Variants in LRRC7 observed in about 807,000 individuals in gnomAD.
LRRC7 encodes leucine rich repeat containing 7.
LRRC7 carries 23 observed loss-of-function variants against 175.7 expected under a neutral mutation model. That is an observed-to-expected ratio of 0.13 (90% CI 0.09 to 0.19). The LOEUF (loss-of-function observed/expected upper bound fraction) is 0.19, where lower values mean the gene tolerates loss of function less well. Among genes scored for constraint, LRRC7 ranks in the 10% least tolerant of loss-of-function variants. LRRC7 has a pLI of 1.00. For synonymous variants in LRRC7, 685 were observed against 680.9 expected (o/e 1.01, Z -0.09); for missense variants, 1,354 against 1,904.7 (o/e 0.71, Z 5.38).
At chr1:69,651,447 C>T (rs963132689) in intron 1 of LRRC7, among the ~76,000 whole-genome samples, 4 of 152,030 alleles carry the variant, frequency 2.6e-5, no homozygotes, top group South Asian at 2.1e-4. Flanking sequence ...GCTGTATCTA[C>T]CAAAGTTATT....
At chr1:69,617,002 T>C (rs2100289530) in intron 1 of LRRC7, among the ~76,000 whole-genome samples, 1 of 152,262 alleles carries the variant, frequency 6.6e-6, no homozygotes, top group East Asian at 1.9e-4. Flanking sequence ...GTCAAGGTTA[T>C]TCACTGTCCT....
chr1:70,118,903 A>G (rs1666035661), intron 26 of LRRC7, among the ~76,000 whole-genome samples: 2 of 152,182 alleles, frequency 1.3e-5, no homozygotes, highest in South Asian at 4.2e-4. Flanking sequence ...TGTTCTACAT[A>G]TTGGGCTCTC....
At chr1:69,638,622 G>C (rs2100417400) in intron 1 of LRRC7, among the ~76,000 whole-genome samples, 1 of 151,656 alleles carries the variant, frequency 6.6e-6, no homozygotes, top group Non-Finnish European at 1.5e-5. Context: ...CTAATCTGAA[G>C]AATCTGTAGA....
intron 3 of LRRC7, among the ~76,000 whole-genome samples, chr1:69,781,688 G>GAAGAAAGGAAAGAAAGAAAGAAAGAAAGA (rs1673532307): frequency 2.3e-5 from 1 of 43,906 alleles, no homozygotes; most frequent in African/African-American, 1.2e-4. Context: ...TCAAAAAAAA[G>GAAGAAAGGAAAGAAAGAAAGAAAGAAAGA]AAGAAAGAAA....
chr1:70,118,063 G>GCACACACA (rs71583108), intron 26 of LRRC7, among the ~76,000 whole-genome samples: 2 of 146,782 alleles, frequency 1.4e-5, no homozygotes, highest in African/African-American at 2.5e-5. Context: ...CTTCTTCTAT[G>GCACACACA]CACACACACA....
chr1:69,814,696 T>C (rs1373529437), intron 4 of LRRC7, among the ~76,000 whole-genome samples: 1 of 152,170 alleles, frequency 6.6e-6, no homozygotes, highest in Non-Finnish European at 1.5e-5. Flanking sequence ...GGTGAAGATA[T>C]GCTCAAAGAA....
intron 10 of LRRC7, 86 bp downstream of exon 10, chr1:69,986,472 T>C: frequency 9.2e-7 from 1 of 1,084,242 alleles, no homozygotes. Context: ...TAGATATAGG[T>C]AATATACTGT....
At chr1:69,838,424 A>C (rs1570252080) in intron 7 of LRRC7, 141 bp downstream of exon 7, 4 of 635,346 alleles carry the variant, frequency 6.3e-6, no homozygotes, top group Non-Finnish European at 1.2e-5. Context: ...AAAGTATGGT[A>C]TACTGTAAAA....
intron 7 of LRRC7, among the ~76,000 whole-genome samples, chr1:69,908,388 T>C (rs1470141536): frequency 2.0e-5 from 3 of 151,932 alleles, no homozygotes; most frequent in Non-Finnish European, 4.4e-5. Context: ...CTGCTTTCTC[T>C]TGTGGGCATT....
chr1:69,623,099 G>A (rs940910186), intron 1 of LRRC7, among the ~76,000 whole-genome samples: 12 of 152,082 alleles, frequency 7.9e-5, no homozygotes, highest in Non-Finnish European at 1.3e-4. Context: ...CCTTTTACCC[G>A]TATCCTAAGT....
At chr1:69,574,424 T>G (rs1645862900) in intron 1 of LRRC7, among the ~76,000 whole-genome samples, 1 of 152,186 alleles carries the variant, frequency 6.6e-6, no homozygotes, top group East Asian at 1.9e-4. Context: ...AAGAATACTC[T>G]GGTGTAGTGG....
rs1666543033 is a variant in LRRC7 at position 70,128,629 on chromosome 1, A to G, written c.*6742A>G. The G allele has an allele frequency of 6.6e-6, 1 of 152,212 alleles. No homozygotes were observed. The highest frequency in any genetic ancestry group is 2.4e-5 in the African/African-American group (1 of 41,462). The allele number at this position is 152,212 out of a possible 1,614,324, so 9.4% of individuals were successfully genotyped here. Reference sequence around the variant, plus strand: ...GAGACATTTCATTGAAGAATATAACAAAAACATTAAATATTATGATTATAA... The same window carrying G: ...GAGACATTTCATTGAAGAATATAACGAAAACATTAAATATTATGATTATAA... On this transcript the variant is annotated 3_prime_UTR_variant, in exon 27 of 27. Coordinates refer to ENST00000651989, the MANE Select transcript of LRRC7 (RefSeq NM_001370785.2).
chr1:69,662,189 T>G (rs557086189), intron 1 of LRRC7, among the ~76,000 whole-genome samples: 88 of 152,274 alleles, frequency 5.8e-4, no homozygotes, highest in African/African-American at 2.1e-3. Flanking sequence ...AAATAATATA[T>G]GTAAAGATGC....
rs576216677 is a variant in LRRC7 at position 69,924,142 on chromosome 1, G to A, written c.648-7365G>A. ...ATGCGGCGTTATTTCTGAGGGCTGTGTTCTGTTCCATTGATCTATATCTCT... is the reference window on the plus strand; with the variant it reads ...ATGCGGCGTTATTTCTGAGGGCTGTATTCTGTTCCATTGATCTATATCTCT... On this transcript the variant is annotated intron_variant, in intron 7 of 26. Coordinates refer to ENST00000651989, the MANE Select transcript of LRRC7 (RefSeq NM_001370785.2). Among the ~76,000 whole-genome samples the A allele has an allele frequency of 2.4e-3, 359 of 152,218 alleles. 1 individual carries two copies. Among genetic ancestry groups the A allele is most frequent in the African/African-American group, 8.3e-3 (344 of 41,516 alleles).
intron 1 of LRRC7, among the ~76,000 whole-genome samples, chr1:69,569,066 GACACACACAC>G (rs3831340): frequency 1.3e-5 from 2 of 151,010 alleles, no homozygotes; most frequent in Admixed American, 6.6e-5. Flanking sequence ...GTTTGATCGT[GACACACACAC>G]ACACACACTC....
intron 16 of LRRC7, among the ~76,000 whole-genome samples, chr1:70,022,090 C>T (rs113026131): frequency 1.0e-3 from 155 of 152,222 alleles, no homozygotes; most frequent in African/African-American, 3.6e-3. Context: ...CTACCAATAT[C>T]GTTACGGAGA....
chr1:69,958,291 T>C (rs887758771), intron 8 of LRRC7, among the ~76,000 whole-genome samples: 1 of 152,054 alleles, frequency 6.6e-6, no homozygotes. Flanking sequence ...GTCTGACTTA[T>C]GTAGCTGTAT....
At chr1:69,842,211 A>AT (rs1237015854) in intron 7 of LRRC7, among the ~76,000 whole-genome samples, 2 of 152,094 alleles carry the variant, frequency 1.3e-5, no homozygotes, top group Admixed American at 6.6e-5. Context: ...AAATTTAGAA[A>AT]TTTTTTCCAC....
intron 21 of LRRC7, among the ~76,000 whole-genome samples, 178 bp from the exon 22 acceptor site, chr1:70,043,776 A>G (rs1178663230): frequency 6.6e-6 from 1 of 152,218 alleles, no homozygotes; most frequent in African/African-American, 2.4e-5. Context: ...GGTACTCATT[A>G]TGTGCATAAC....
Sources: gnomAD v4.1 joint callset for allele counts (sites outside exome capture counted in the v4.1 genomes callset) on GRCh38, gnomAD v4.1.1 for gene constraint, MANE v1.5 for transcripts, NCBI Gene and HGNC (gene_info 2026-07-23, HGNC 2026-07-21) for gene names.